Variants in ARRB2 observed in about 807,000 individuals in gnomAD.
The protein encoded by ARRB2 is arrestin beta 2, also known as beta-arrestin-2.
In ARRB2, 21 loss-of-function variants were observed where a neutral mutation model predicts 53.4. That is an observed-to-expected ratio of 0.39 (90% confidence interval 0.28 to 0.57). The LOEUF is 0.57. Ranked by LOEUF, ARRB2 falls within the 20% of genes least tolerant of loss-of-function variation. The pLI is 0.55. For synonymous variants in ARRB2, 180 were observed against 212.9 expected (o/e 0.85, Z 1.34); for missense variants, 369 against 527.5 (o/e 0.70, Z 2.94).
At chr17:4,713,437 C>T (rs1914629711) in intron 1 of ARRB2, among the ~76,000 whole-genome samples, 1 of 151,746 alleles carries the variant, frequency 6.6e-6, no homozygotes, top group African/African-American at 2.4e-5. Context: ...TTGAGACCAT[C>T]CTGACTAACA....
intron 5 of ARRB2, chr17:4,716,959 C>T (rs1375273187): frequency 1.7e-5 from 10 of 586,058 alleles, no homozygotes; most frequent in African/African-American, 3.7e-5. Context: ...CTCAGCCTCC[C>T]GAGTAGCTGG....
chr17:4,715,661 A>C (rs1027000296), intron 2 of ARRB2: 7 of 436,184 alleles, frequency 1.6e-5, no homozygotes, highest in Non-Finnish European at 2.5e-5. Flanking sequence ...ATGCACATAC[A>C]TGTTCACACA....
At chr17:4,710,769 G>A in intron 1 of ARRB2, 25 bp downstream of exon 1, 2 of 398,656 alleles carry the variant, frequency 5.0e-6, no homozygotes, top group Non-Finnish European at 8.8e-6. Flanking sequence ...GCCACGCGGC[G>A]GGGCATGGGC....
chr17:4,718,779 C>CA, intron 10 of ARRB2, 95 bp downstream of exon 10: 1 of 1,149,798 alleles, frequency 8.7e-7, no homozygotes, highest in Non-Finnish European at 1.2e-6. Context: ...GAGCCATCTC[C>CA]ACCTTTTTTT....
Position 4,721,390 on chromosome 17 carries a change from C to T in ARRB2, c.*351C>T. 2.3e-6 allele frequency: 1 copy of T among 426,508 alleles called. No individual in the cohort carries two copies. Among genetic ancestry groups the T allele is most frequent in the Non-Finnish European group, 4.1e-6 (1 of 242,564 alleles). The allele number at this position is 426,508 out of a possible 1,614,324, so 26.4% of individuals were successfully genotyped here. The stretch of plus-strand genomic sequence containing the variant: ...TACTCTCAACCTCACACCAACACCT[C>T]CCATTATCACTCTCTCTGCCCCCAT... On this transcript the variant is annotated 3_prime_UTR_variant, in exon 15 of 15. Transcript: ENST00000269260. This position sits in a 1 kb window ranked among gnomAD's most constrained non-coding sequence, Gnocchi z 4.2.
Position 4,717,242 on chromosome 17 carries a change from T to C in ARRB2, c.383T>C (p.Val128Ala). ...FTIPQNLPCS[V>A]TLQPGPEDTG... The stretch of plus-strand genomic sequence containing the variant: ...ATACCCCAGAATCTTCCATGCTCCG[T>C]CACACTGCAGCCAGGCCCAGAGGAT... The change falls in exon 6 of 15, where the codon GTC becomes GCC. Residue 128 changes from valine to alanine, a missense_variant. Transcript: ENST00000269260. The surrounding 1 kb of genome is among the most constrained non-coding windows in gnomAD (Gnocchi z 6.0). The C allele has an allele frequency of 6.2e-7, 1 of 1,614,036 alleles. No homozygotes were observed. Among genetic ancestry groups the C allele is most frequent in the Non-Finnish European group, 8.5e-7 (1 of 1,179,966 alleles).
At chr17:4,720,009 G>A (rs1915528405) in intron 11 of ARRB2, among the ~76,000 whole-genome samples, 1 of 152,206 alleles carries the variant, frequency 6.6e-6, no homozygotes, top group African/African-American at 2.4e-5. Context: ...AGCGGAGAAG[G>A]ACGTCAGCTT....
rs1028109517 is a variant in ARRB2 at position 4,710,697 on chromosome 17, C to T, written c.-25C>T. Reference sequence around the variant, plus strand: ...AGGAGGCTGCGAGCGAGCCGCGAACCGAGCGGGCGGCGGGCGCGCGCACCA... The same window carrying T: ...AGGAGGCTGCGAGCGAGCCGCGAACTGAGCGGGCGGCGGGCGCGCGCACCA... On this transcript the variant is annotated 5_prime_UTR_variant, in exon 1 of 15. Coordinates refer to ENST00000269260, the MANE Select transcript of ARRB2 (RefSeq NM_004313.4). 11 of 398,320 alleles carry T rather than the reference C, an allele frequency of 2.8e-5. No individual in the cohort carries two copies. In the Admixed American group the frequency reaches 4.8e-4, roughly 18 times the overall value. 24.7% of individuals were successfully genotyped at this position (398,320 alleles called of 1,614,324 possible). A position where few individuals can be genotyped will look rare whatever the true frequency, so the allele number is the denominator to read the frequency against.
chr17:4,715,582 CACACGG>C (rs1474005205), intron 2 of ARRB2: 2 of 341,906 alleles, frequency 5.8e-6, no homozygotes, highest in Middle Eastern at 9.8e-4. Context: ...CACACACACA[CACACGG>C]ACACACACAA....
intron 13 of ARRB2, 21 bp from the exon 14 acceptor site, chr17:4,720,565 C>G: frequency 6.4e-7 from 1 of 1,569,588 alleles, no homozygotes; most frequent in Non-Finnish European, 8.6e-7. Context: ...ACCCCCACAC[C>G]CCCTCTTCCC....
chr17:4,713,888 T>C (rs144822515), intron 1 of ARRB2, among the ~76,000 whole-genome samples: 2,334 of 145,898 alleles, frequency 0.016, 57 homozygotes, highest in African/African-American at 0.051. Flanking sequence ...CACTTAAACC[T>C]GGGAGGCGGA....
At chr17:4,715,397 C>T (rs1035892635) in intron 2 of ARRB2, 1 of 346,298 alleles carries the variant, frequency 2.9e-6, no homozygotes, top group Non-Finnish European at 5.3e-6. Context: ...CCTAGAGCCC[C>T]TTGAGGGGAC....
intron 1 of ARRB2, among the ~76,000 whole-genome samples, chr17:4,712,154 A>G (rs1309422427): frequency 6.6e-6 from 1 of 152,234 alleles, no homozygotes. Context: ...ACAAAGAGGA[A>G]AACCAGAAGC....
In ARRB2 at chr17:4,716,016, A is replaced by G; in HGVS notation, c.98A>G (p.Asp33Gly). The change falls in exon 3 of 15, where the codon GAC becomes GGC. Residue 33 changes from aspartate (D) to glycine (G), a missense_variant. Coordinates refer to ENST00000269260, the MANE Select transcript of ARRB2 (RefSeq NM_004313.4). ...AAGCGGGACTTCGTAGATCACCTGG[A>G]CAAAGTGGACCCTGTAGGTAAGTTT... ...LGKRDFVDHLDKVDPVDGVVL... is the reference protein window; with the variant it reads ...LGKRDFVDHLGKVDPVDGVVL... 1.2e-6 allele frequency: 2 copies of G among 1,614,174 alleles called. No individual in the cohort carries two copies. Among genetic ancestry groups the G allele is most frequent in the Non-Finnish European group, 1.7e-6 (2 of 1,180,020 alleles).
chr17:4,717,403 C>A lies in ARRB2; in HGVS notation c.417+127C>A. 3 of 1,230,148 alleles carry A rather than the reference C, an allele frequency of 2.4e-6. No homozygotes were observed. Among genetic ancestry groups the A allele is most frequent in the Non-Finnish European group, 3.6e-6 (3 of 839,866 alleles). The allele number at this position is 1,230,148 out of a possible 1,614,324, so 76.2% of individuals were successfully genotyped here. A position where few individuals can be genotyped will look rare whatever the true frequency, so the allele number is the denominator to read the frequency against. ...TGGGGCCGAGGGTAGGCCAGTGTCC[C>A]CCGTGGAAGTGGGGCGTATGTGGTG... On this transcript the variant is annotated intron_variant, in intron 6 of 14. Transcript: ENST00000269260. This position sits in a 1 kb window ranked among gnomAD's most constrained non-coding sequence, Gnocchi z 6.0.
intron 1 of ARRB2, among the ~76,000 whole-genome samples, chr17:4,711,664 G>A (rs563019230): frequency 1.3e-5 from 2 of 152,208 alleles, no homozygotes; most frequent in African/African-American, 4.8e-5. Context: ...TCAAGTAGAC[G>A]AGCATCAGAA....
chr17:4,719,309 T>C lies in ARRB2; in HGVS notation c.806T>C (p.Phe269Ser). Residue 269 changes from phenylalanine (F) to serine (S), a missense_variant, in exon 11 of 15, where the codon TTC becomes TCC. By Grantham distance (155) the Phe-to-Ser change is radical (BLOSUM62 -2). Transcript: ENST00000269260. ...QDDQVSPSST[F>S]CKVYTITPLL... ...GACCAGGTATCTCCCAGCTCCACAT[T>C]CTGTAAGGTGTACACCATAACCCCA... 1 of 1,613,728 alleles carries C rather than the reference T, an allele frequency of 6.2e-7. No homozygotes were observed. Among genetic ancestry groups the C allele is most frequent in the Non-Finnish European group, 8.5e-7 (1 of 1,179,802 alleles).
At chr17:4,718,511 C>T (rs1915313311) in intron 9 of ARRB2, 101 bp from the exon 10 acceptor site, 4 of 1,312,828 alleles carry the variant, frequency 3.0e-6, no homozygotes, top group Admixed American at 1.8e-5. Context: ...TTTACTGCTT[C>T]AGTGGGGAGC....
rs532538037 is a variant in ARRB2, at chr17:4,717,967, C to T, written c.565C>T (p.Arg189Cys). The T allele has an allele frequency of 5.0e-6, 8 of 1,613,786 alleles. No homozygotes were observed. The highest frequency in any genetic ancestry group is 6.8e-6 in the Non-Finnish European group (8 of 1,180,040). Residue 189 changes from arginine (R) to cysteine (C), a missense_variant, in exon 8 of 15, where the codon CGC (arginine) becomes TGC (cysteine). Transcript: ENST00000269260. The surrounding 1 kb of genome is among the most constrained non-coding windows in gnomAD (Gnocchi z 6.0). ...CCCCCAGCCTTCAGCCGAAACCACA[C>T]GCCACTTCCTCATGTCTGACCGGTC... Reference protein sequence around the residue: ...PGPQPSAETTRHFLMSDRSLH... With the variant: ...PGPQPSAETTCHFLMSDRSLH...
Sources: allele counts gnomAD v4.1 joint callset (sites outside exome capture counted in the v4.1 genomes callset), GRCh38; gene constraint gnomAD v4.1.1; non-coding constraint Gnocchi (gnomAD v3.1); transcripts MANE v1.5; gene names NCBI Gene and HGNC (gene_info 2026-07-23, HGNC 2026-07-21).